The following RPS6KA5 variants were observed in gnomAD, a reference collection of about 807,000 sequenced individuals.
RPS6KA5 encodes the protein ribosomal protein S6 kinase A5.
Under a neutral mutation model 85.5 loss-of-function variants are expected in RPS6KA5, and 27 were observed. The observed-to-expected ratio is 0.32, with a 90% CI of 0.23 to 0.44. The LOEUF (loss-of-function observed/expected upper bound fraction) is 0.44. Among genes scored for constraint, RPS6KA5 ranks in the 20% least tolerant of loss-of-function variants. The pLI, the probability that RPS6KA5 is intolerant of heterozygous loss-of-function variation, is 1.00. For missense variants in RPS6KA5, 811 were observed against 980.9 expected (o/e 0.83, Z 2.31); for synonymous variants, 334 against 348.2 (o/e 0.96, Z 0.46).
intron 1 of RPS6KA5, among the ~76,000 whole-genome samples, chr14:91,018,449 A>G (rs2041597766): frequency 6.6e-6 from 1 of 152,182 alleles, no homozygotes; most frequent in Admixed American, 6.5e-5. Flanking sequence ...GACTGAGAGA[A>G]GAAGACCTAC....
chr14:90,873,827 T>C, intron 15 of RPS6KA5, 32 bp from the exon 16 acceptor site: 1 of 1,589,816 alleles, frequency 6.3e-7, no homozygotes, highest in Non-Finnish European at 8.6e-7. Flanking sequence ...TTTTATGATT[T>C]GTCATTTTAA....
chr14:90,898,229 A>G (rs934954765), intron 12 of RPS6KA5, among the ~76,000 whole-genome samples: 5 of 152,156 alleles, frequency 3.3e-5, no homozygotes, highest in Non-Finnish European at 7.4e-5. Context: ...ATGAGTGTCC[A>G]TTTTCTCACC....
Position 90,902,887 on chromosome 14 carries a change from T to C in RPS6KA5, c.1040A>G (p.Asn347Ser). The C allele has an allele frequency of 6.2e-7, 1 of 1,614,086 alleles. No individual in the cohort carries two copies. The change falls in exon 9 of 17, where the codon AAC becomes AGC. Residue 347 changes from asparagine to serine, a missense_variant. Physicochemically the swap from Asn to Ser is conservative, Grantham distance 46. This residue lies in a region of RPS6KA5 where 650 missense variants were observed against 793.4 expected (regional missense o/e 0.82). Transcript: ENST00000614987. The part of the protein sequence containing the change: ...PVIRDELDVS[N>S]FAEEFTEMDP... ...CATTTCTGTGAACTCTTCTGCAAAG[T>C]TACTCACATCTAATTCATCTCGAAT...
chr14:90,885,369 T>C (rs1595123447), intron 14 of RPS6KA5, among the ~76,000 whole-genome samples: 1 of 150,074 alleles, frequency 6.7e-6, no homozygotes, highest in African/African-American at 2.5e-5. Context: ...CTGGCCAACA[T>C]GGTGAAACCT....
intron 3 of RPS6KA5, among the ~76,000 whole-genome samples, chr14:90,972,876 TGA>T (rs1324463432): frequency 6.6e-6 from 1 of 151,812 alleles, no homozygotes; most frequent in East Asian, 1.9e-4. Context: ...TCCTAGAAAT[TGA>T]GAGGAAAAAA....
intron 2 of RPS6KA5, among the ~76,000 whole-genome samples, chr14:90,991,594 C>T (rs899182653): frequency 6.6e-6 from 1 of 150,496 alleles, no homozygotes; most frequent in African/African-American, 2.5e-5. Flanking sequence ...CCCAGTTACT[C>T]GGGAGGCTGA....
intron 14 of RPS6KA5, among the ~76,000 whole-genome samples, chr14:90,886,322 T>A (rs1447293077): frequency 6.6e-6 from 1 of 152,162 alleles, no homozygotes; most frequent in Admixed American, 6.5e-5. Flanking sequence ...TTAAACAAAA[T>A]TTTATAACAC....
chr14:90,896,278 G>T (rs1343394615), intron 12 of RPS6KA5, among the ~76,000 whole-genome samples: 1 of 152,210 alleles, frequency 6.6e-6, no homozygotes, highest in African/African-American at 2.4e-5. Context: ...AACAGATTTA[G>T]AGTTCAACCT....
At chr14:91,010,234 A>G (rs1283794438) in intron 1 of RPS6KA5, among the ~76,000 whole-genome samples, 2 of 152,270 alleles carry the variant, frequency 1.3e-5, no homozygotes, top group African/African-American at 4.8e-5. Flanking sequence ...AACAGAATGC[A>G]GATTATTTGT....
chr14:90,886,504 G>A lies in RPS6KA5; in HGVS notation c.1836+3983C>T, dbSNP rs561744728. Among the ~76,000 whole-genome samples the A allele has an allele frequency of 5.3e-5, 8 of 152,254 alleles. No homozygotes were observed. In the South Asian group the frequency reaches 8.3e-4, roughly 16 times the overall value. ...AGGGAGGTAACTAAGGTTAAATGAG[G>A]TTATACGGGTAGGCCCCTGATCCAA... On this transcript the variant is annotated intron_variant, in intron 14 of 16. Transcript: ENST00000614987.
chr14:90,888,935 T>C (rs1332732455), intron 14 of RPS6KA5, among the ~76,000 whole-genome samples: 2 of 152,204 alleles, frequency 1.3e-5, no homozygotes, highest in South Asian at 4.1e-4. Flanking sequence ...AAGTCTTTAA[T>C]AGAGCTTTAA....
chr14:90,988,081 G>C (rs1233623612), intron 2 of RPS6KA5, among the ~76,000 whole-genome samples: 2 of 152,158 alleles, frequency 1.3e-5, no homozygotes, highest in Non-Finnish European at 2.9e-5. Flanking sequence ...TGAACTGAAA[G>C]GTTTTAAATT....
intron 1 of RPS6KA5, among the ~76,000 whole-genome samples, chr14:91,012,802 G>A (rs946258382): frequency 2.6e-5 from 4 of 152,188 alleles, no homozygotes; most frequent in African/African-American, 9.7e-5. Context: ...CAAAAGAGTG[G>A]TACACCAGGC....
In RPS6KA5 at chr14:90,873,847, A is replaced by T. The variant is rs751450626; in HGVS notation, c.1997-52T>A. On this transcript the variant is annotated intron_variant, in intron 15 of 16. Coordinates refer to ENST00000614987, the MANE Select transcript of RPS6KA5 (RefSeq NM_004755.4). Reference sequence around the variant, plus strand: ...TGATTTGTCATTTTAAACATGGTTTAAAAACAAACTCAGAAATAAATCTCA... The same window carrying T: ...TGATTTGTCATTTTAAACATGGTTTTAAAACAAACTCAGAAATAAATCTCA... The T allele has an allele frequency of 4.0e-6, 6 of 1,501,896 alleles. No homozygotes were observed. In the South Asian group the frequency reaches 5.8e-5, roughly 14 times the overall value. The allele number at this position is 1,501,896 out of a possible 1,614,324, so 93.0% of individuals were successfully genotyped here.
At chr14:90,988,516 T>C (rs935773711) in intron 2 of RPS6KA5, among the ~76,000 whole-genome samples, 2 of 152,220 alleles carry the variant, frequency 1.3e-5, no homozygotes, top group African/African-American at 2.4e-5. Flanking sequence ...TTGAATACAT[T>C]TGTTTGATAC....
At chr14:90,886,396 T>C (rs1386152909) in intron 14 of RPS6KA5, among the ~76,000 whole-genome samples, 1 of 152,222 alleles carries the variant, frequency 6.6e-6, no homozygotes, top group Non-Finnish European at 1.5e-5. Flanking sequence ...GGACTGAATG[T>C]TTGTGTTCTC....
Position 90,894,531 on chromosome 14 carries a change from C to A in RPS6KA5, c.1526G>T (p.Arg509Leu). ...ELLNGGELFE[R>L]IKKKKHFSET... Reference sequence around the variant, plus strand: ...ACTGAAGTGCTTCTTTTTCTTAATGCGCTCAAACAGTTCTCCTCCATTCAG... The same window carrying A: ...ACTGAAGTGCTTCTTTTTCTTAATGAGCTCAAACAGTTCTCCTCCATTCAG... Residue 509 changes from arginine to leucine, a missense_variant, in exon 13 of 17, where the codon CGC (arginine) becomes CTC (leucine). By Grantham distance (102) the Arg-to-Leu change is moderately radical (BLOSUM62 -2). Transcript: ENST00000614987. The A allele has an allele frequency of 6.2e-7, 1 of 1,614,070 alleles. No homozygotes were observed. Among genetic ancestry groups the A allele is most frequent in the Non-Finnish European group, 8.5e-7 (1 of 1,180,000 alleles).
At chr14:91,011,069 T>C (rs913458041) in intron 1 of RPS6KA5, among the ~76,000 whole-genome samples, 1 of 152,154 alleles carries the variant, frequency 6.6e-6, no homozygotes, top group Non-Finnish European at 1.5e-5. Context: ...AAATGAGATC[T>C]ATGCAAAGTC....
At chr14:90,875,019 G>A (rs1008621852) in intron 15 of RPS6KA5, among the ~76,000 whole-genome samples, 182 bp downstream of exon 15, 1 of 152,094 alleles carries the variant, frequency 6.6e-6, no homozygotes. Flanking sequence ...TTAGAAATGT[G>A]GATACCATTA....
Sources: allele counts gnomAD v4.1 joint callset (sites outside exome capture counted in the v4.1 genomes callset), GRCh38; gene constraint gnomAD v4.1.1; regional missense constraint gnomAD v4.1.1; transcripts MANE v1.5; gene names NCBI Gene and HGNC (gene_info 2026-07-23, HGNC 2026-07-21).